Variants in RNF10 observed in about 807,000 individuals in gnomAD.
The protein encoded by RNF10 is ring finger protein 10, also known as E3 ubiquitin-protein ligase RNF10.
Under a neutral mutation model 91.4 loss-of-function variants are expected in RNF10, and 38 were observed. The observed-to-expected ratio is 0.42, with a 90% CI of 0.32 to 0.54. The LOEUF (loss-of-function observed/expected upper bound fraction) is 0.54. Among genes scored for constraint, RNF10 ranks in the 20% least tolerant of loss-of-function variants. The pLI, the probability that RNF10 is intolerant of heterozygous loss-of-function variation, is 0.16. For missense variants in RNF10, 945 were observed against 1,012.0 expected, an observed-to-expected ratio of 0.93 and a Z score of 0.90; for synonymous variants, 364 against 366.3, an observed-to-expected ratio of 0.99 and a Z score of 0.07.
intron 1 of RNF10, among the ~76,000 whole-genome samples, chr12:120,546,015 A>G (rs560812100): frequency 6.6e-6 from 1 of 152,386 alleles, no homozygotes; most frequent in East Asian, 1.9e-4. Flanking sequence ...TAATTTAAAA[A>G]GGAATCTCTT....
At chr12:120,570,993 C>T (rs868648201) in intron 13 of RNF10, among the ~76,000 whole-genome samples, 198 bp from the exon 14 acceptor site, 2 of 151,934 alleles carry the variant, frequency 1.3e-5, no homozygotes, top group African/African-American at 2.4e-5. Context: ...CTTCCTGTAC[C>T]GGTCGCTGAT....
At chr12:120,576,403 G>A (rs998052970) in intron 16 of RNF10, among the ~76,000 whole-genome samples, 187 bp from the exon 17 acceptor site, 2 of 152,234 alleles carry the variant, frequency 1.3e-5, no homozygotes, top group African/African-American at 4.8e-5. Context: ...CTGAGGTCCA[G>A]GGAGGTAAAA....
Position 120,575,614 on chromosome 12 carries a change from CTTTCCCACTTT to C in RNF10, c.2143-16_2143-6del, listed in dbSNP as rs761865712. 6.8e-6 allele frequency: 11 copies of C among 1,614,042 alleles called. No homozygotes were observed. The African/African-American group carries it at 1.5e-4, about 22-fold the overall frequency. On this transcript the variant is annotated splice_polypyrimidine_tract_variant and splice_region_variant and intron_variant, in intron 14 of 16. Transcript: ENST00000325954. ...GCTACTTAAATTCTCTCCCCCACTT[CTTTCCCACTTT>C]GGCAGATGCTGAGGGTTGGAAAAGC...
chr12:120,553,200 C>T (rs576458441), intron 3 of RNF10, among the ~76,000 whole-genome samples: 15 of 150,340 alleles, frequency 1.0e-4, no homozygotes, highest in African/African-American at 3.7e-4. Context: ...TTTTTTGCCT[C>T]AGCCTCCCGA....
At chr12:120,557,176 G>T in intron 4 of RNF10, 106 bp from the exon 5 acceptor site, 1 of 923,714 alleles carries the variant, frequency 1.1e-6, no homozygotes, top group Non-Finnish European at 1.7e-6. Context: ...GATGTACGGG[G>T]ATAGAGATGA....
chr12:120,562,271 C>CTTTTTTTTTT (rs71076634), intron 7 of RNF10, among the ~76,000 whole-genome samples: 8 of 100,100 alleles, frequency 8.0e-5, no homozygotes, highest in Admixed American at 1.5e-4. Context: ...TTCTTTCTTT[C>CTTTTTTTTTT]TTTTTTTTTT....
At chr12:120,551,377 C>T (rs376504606) in intron 2 of RNF10, among the ~76,000 whole-genome samples, 1 of 142,150 alleles carries the variant, frequency 7.0e-6, no homozygotes, top group Non-Finnish European at 1.5e-5. Context: ...TCACTGCAAC[C>T]TCTGCCTCTC....
At chr12:120,564,787 T>C (rs542198484) in intron 10 of RNF10, among the ~76,000 whole-genome samples, 1 of 152,338 alleles carries the variant, frequency 6.6e-6, no homozygotes, top group South Asian at 2.1e-4. Context: ...CTGTGGGGCC[T>C]TGAAAAAATC....
intron 14 of RNF10, 56 bp downstream of exon 14, chr12:120,571,347 C>A: frequency 8.0e-7 from 1 of 1,247,044 alleles, no homozygotes; most frequent in South Asian, 1.2e-5. Flanking sequence ...CTCTGCTGCT[C>A]ATTATTATGG....
intron 15 of RNF10, 31 bp downstream of exon 15, chr12:120,575,719 T>C (rs368411568): frequency 1.2e-6 from 2 of 1,613,974 alleles, no homozygotes; most frequent in African/African-American, 2.7e-5. Flanking sequence ...AAGGGGGAGT[T>C]TGGCTTCTTT....
chr12:120,546,615 GA>G lies in RNF10; in HGVS notation c.354+16del. 6.2e-7 allele frequency: 1 copy of G among 1,608,592 alleles called. No homozygotes were observed. Among genetic ancestry groups the G allele is most frequent in the Non-Finnish European group, 8.5e-7 (1 of 1,177,172 alleles). ...AGACGAGATGAGGTATGGAATTTGA[GA>G]ATGTCCTTTCTAGAGCATAAGCATG... On this transcript the variant is annotated intron_variant, in intron 2 of 16. Transcript: ENST00000325954.
chr12:120,570,024 C>T (rs1452720114), intron 13 of RNF10, among the ~76,000 whole-genome samples: 2 of 151,720 alleles, frequency 1.3e-5, no homozygotes, highest in Non-Finnish European at 2.9e-5. Context: ...TCCTGAGTAG[C>T]TGTGTAGCGT....
chr12:120,538,593 T>C (rs1565942558), intron 1 of RNF10, among the ~76,000 whole-genome samples: 1 of 152,146 alleles, frequency 6.6e-6, no homozygotes, highest in Non-Finnish European at 1.5e-5. Context: ...CCTGTGAATA[T>C]AGCTCAGAGG....
intron 6 of RNF10, among the ~76,000 whole-genome samples, chr12:120,558,973 A>G (rs1874415370): frequency 6.6e-6 from 1 of 151,968 alleles, no homozygotes; most frequent in Non-Finnish European, 1.5e-5. Context: ...CCTGGGCTGG[A>G]GTGCAGTGGC....
chr12:120,565,650 C>A, intron 12 of RNF10, 121 bp downstream of exon 12: 1 of 751,418 alleles, frequency 1.3e-6, no homozygotes, highest in Non-Finnish European at 2.3e-6. Context: ...AAATGTGAAT[C>A]ATGAGAGCAC....
rs1430259724 is a variant in RNF10, at chr12:120,563,841, T to C, written c.1563T>C (p.Pro521=). The C allele has an allele frequency of 2.5e-6, 4 of 1,614,002 alleles. No homozygotes were observed. Among genetic ancestry groups the C allele is most frequent in the Non-Finnish European group, 3.4e-6 (4 of 1,180,026 alleles). The change falls in exon 10 of 17, where the codon CCT becomes CCC. Residue 521 remains proline (P), a synonymous_variant. Transcript: ENST00000325954. ...AEDGQHMFLH[P]VNVRCLVREY... ...ATGGACAGCATATGTTCCTGCACCC[T>C]GTGAATGTGCGCTGCCTCGTGCGGG...
chr12:120,563,737 G>A (rs1292066429), intron 9 of RNF10, 73 bp from the exon 10 acceptor site: 1 of 1,592,346 alleles, frequency 6.3e-7, no homozygotes, highest in Non-Finnish European at 8.6e-7. Flanking sequence ...TTGAGCCCTT[G>A]GGCATGGGGA....
At chr12:120,564,702 A>G (rs533528872) in intron 10 of RNF10, among the ~76,000 whole-genome samples, 11 of 152,298 alleles carry the variant, frequency 7.2e-5, no homozygotes, top group African/African-American at 2.2e-4. Flanking sequence ...TTATTCTGTC[A>G]GTGGTTCCCA....
intron 1 of RNF10, among the ~76,000 whole-genome samples, chr12:120,537,364 C>T (rs1032434883): frequency 6.6e-6 from 1 of 150,606 alleles, no homozygotes; most frequent in Admixed American, 6.6e-5. Flanking sequence ...CGGTGGCTCA[C>T]GCCTGTAATC....
Sources: allele counts gnomAD v4.1 joint callset (sites outside exome capture counted in the v4.1 genomes callset), GRCh38; gene constraint gnomAD v4.1.1; transcripts MANE v1.5; gene names NCBI Gene and HGNC (gene_info 2026-07-23, HGNC 2026-07-21).